Variants in PARVB observed in about 807,000 individuals in gnomAD.
The protein encoded by PARVB is parvin beta, also known as beta-parvin.
PARVB carries 46 observed loss-of-function variants against 47.0 expected under a neutral mutation model. The ratio of observed to expected loss-of-function variants is 0.98; its 90% CI spans 0.77 to 1.25. PARVB has a LOEUF of 1.25. Ranked by LOEUF, PARVB falls within the 50% of genes most tolerant of loss-of-function variation. The pLI is 0.00. For missense variants in PARVB, 473 were observed against 471.6 expected, an observed-to-expected ratio of 1.00 and a Z score of -0.03; for synonymous variants, 196 against 196.3, an observed-to-expected ratio of 1.00 and a Z score of 0.01.
rs543359903 is a variant in PARVB, at chr22:44,050,330, A to G, written c.112+25879A>G. Among the ~76,000 whole-genome samples the G allele has an allele frequency of 1.1e-3, 171 of 150,324 alleles. 3 individuals carry two copies. The highest frequency in any genetic ancestry group is 0.011 in the Admixed American group (166 of 15,106). On this transcript the variant is annotated intron_variant, in intron 1 of 12. Coordinates refer to ENST00000338758, the MANE Select transcript of PARVB (RefSeq NM_013327.5). Reference sequence around the variant, plus strand: ...CTGTTAGTAAACAAGACATTCCTACAGGTGACCCCTTTCGGCCTTTTTTTT... The same window carrying G: ...CTGTTAGTAAACAAGACATTCCTACGGGTGACCCCTTTCGGCCTTTTTTTT...
At chr22:44,146,426 A>G (rs1243680742) in intron 8 of PARVB, 1 of 152,330 alleles carries the variant, frequency 6.6e-6, no homozygotes, top group African/African-American at 2.4e-5. Flanking sequence ...CAATGCACAC[A>G]CATGCTCACA....
chr22:44,071,306 G>C (rs1007535228), intron 1 of PARVB, among the ~76,000 whole-genome samples: 1 of 152,176 alleles, frequency 6.6e-6, no homozygotes, highest in African/African-American at 2.4e-5. Context: ...CACTTTGGGA[G>C]ATACTGATGG....
chr22:44,010,698 A>G (rs749020926), intron 2 of PARVB, among the ~76,000 whole-genome samples: 19 of 152,092 alleles, frequency 1.2e-4, no homozygotes, highest in Admixed American at 5.2e-4. Context: ...AAATGAATTG[A>G]ATTTTGGTTG....
At chr22:44,020,151 G>T (rs1489010124), upstream of PARVB, among the ~76,000 whole-genome samples, 1 of 151,144 alleles carries the variant, frequency 6.6e-6, no homozygotes, top group Non-Finnish European at 1.5e-5. Context: ...CAGGGTGAGG[G>T]CTCAGTCCCA....
rs1258987794 is a variant in PARVB, at chr22:44,170,807, T to G, written c.*2129T>G. 2 of 152,248 alleles carry G rather than the reference T, an allele frequency of 1.3e-5. No homozygotes were observed. The highest frequency in any genetic ancestry group is 2.9e-5 in the Non-Finnish European group (2 of 68,050). The allele number at this position is 152,248 out of a possible 1,614,324, so 9.4% of individuals were successfully genotyped here. A position where few individuals can be genotyped will look rare whatever the true frequency, so the allele number is the denominator to read the frequency against. ...AGTGAGCCTGGCCTTTCTGATCTTG[T>G]TAGCTTTTTGTCTTCCTGCCGCAGA... On this transcript the variant is annotated 3_prime_UTR_variant, in exon 13 of 13. Coordinates refer to ENST00000338758, the MANE Select transcript of PARVB (RefSeq NM_013327.5).
chr22:44,163,492 TAAAC>T (rs1027184613), intron 11 of PARVB, among the ~76,000 whole-genome samples: 2 of 151,818 alleles, frequency 1.3e-5, no homozygotes, highest in African/African-American at 4.8e-5. Flanking sequence ...AATAAATAAA[TAAAC>T]AAAGAAATAA....
chr22:44,062,576 G>A (rs1361526500), intron 1 of PARVB, among the ~76,000 whole-genome samples: 2 of 151,958 alleles, frequency 1.3e-5, no homozygotes, highest in East Asian at 3.9e-4. Context: ...GGTGGTGATT[G>A]CAGTGAGCTG....
At chr22:44,134,413 C>T (rs997950250) in intron 6 of PARVB, among the ~76,000 whole-genome samples, 2 of 152,186 alleles carry the variant, frequency 1.3e-5, no homozygotes, top group African/African-American at 2.4e-5. Flanking sequence ...TACGTCAGCT[C>T]GGGGCCCCAG....
At chr22:44,059,222 G>C (rs960249608) in intron 1 of PARVB, among the ~76,000 whole-genome samples, 8 of 151,716 alleles carry the variant, frequency 5.3e-5, no homozygotes, top group Non-Finnish European at 1.0e-4. Flanking sequence ...ATTTTTGTAT[G>C]TTTAGTAGAG....
At chr22:44,085,318 T>C (rs1015889132) in intron 1 of PARVB, among the ~76,000 whole-genome samples, 5 of 152,134 alleles carry the variant, frequency 3.3e-5, no homozygotes, top group African/African-American at 1.2e-4. Flanking sequence ...CTTTTTCTTT[T>C]TAATTTTTTG....
Position 44,099,525 on chromosome 22 carries a change from C to T in PARVB, c.203-528C>T, listed in dbSNP as rs1350025202. Among the ~76,000 whole-genome samples, 3 of 152,224 alleles carry T rather than the reference C, an allele frequency of 2.0e-5. 1 individual carries two copies. Among genetic ancestry groups the T allele is most frequent in the African/African-American group, 7.2e-5 (3 of 41,546 alleles). ...TTTTGCTGTTACACATCATCCCCCC[C>T]CACCTTTTTTTTTGCTATTTATTTC... is the stretch of plus-strand genomic sequence containing the variant. On this transcript the variant is annotated intron_variant, in intron 2 of 12. Transcript: ENST00000338758.
intron 9 of PARVB, 110 bp downstream of exon 9, chr22:44,148,032 G>C: frequency 1.2e-6 from 1 of 849,234 alleles, no homozygotes; most frequent in Admixed American, 2.0e-5. Flanking sequence ...TCTCAGAAAT[G>C]TTTGCCACAT....
At chr22:44,160,349 C>A (rs779713908) in intron 11 of PARVB, among the ~76,000 whole-genome samples, 1 of 152,232 alleles carries the variant, frequency 6.6e-6, no homozygotes, top group Non-Finnish European at 1.5e-5. Context: ...GGTTGCACGG[C>A]CAGCAAGGGC....
At chr22:44,070,958 C>T (rs1437834011) in intron 1 of PARVB, among the ~76,000 whole-genome samples, 1 of 152,122 alleles carries the variant, frequency 6.6e-6, no homozygotes, top group Non-Finnish European at 1.5e-5. Flanking sequence ...GTCACAGGGC[C>T]CCTGCCCTAG....
intron 6 of PARVB, among the ~76,000 whole-genome samples, chr22:44,135,022 T>TGA (rs2053412280): frequency 1.3e-5 from 2 of 152,170 alleles, no homozygotes; most frequent in Admixed American, 1.3e-4. Context: ...TCACCCACAC[T>TGA]GTTGTTCAAT....
intron 2 of PARVB, among the ~76,000 whole-genome samples, chr22:44,017,011 G>A (rs555016166): frequency 6.6e-6 from 1 of 152,240 alleles, no homozygotes; most frequent in East Asian, 1.9e-4. Flanking sequence ...GAGTAGCTGG[G>A]ATTACAGGTG....
intron 1 of PARVB, among the ~76,000 whole-genome samples, chr22:44,069,515 T>G (rs2051606222): frequency 6.6e-6 from 1 of 152,000 alleles, no homozygotes; most frequent in South Asian, 2.1e-4. Context: ...TACTGTGGGT[T>G]TCTCTCTCTC....
chr22:44,116,823 A>C (rs1334886999), intron 3 of PARVB, among the ~76,000 whole-genome samples: 1 of 151,952 alleles, frequency 6.6e-6, no homozygotes, highest in Non-Finnish European at 1.5e-5. Flanking sequence ...AGGGGGTGGT[A>C]TCTGGGTTAG....
intron 2 of PARVB, among the ~76,000 whole-genome samples, chr22:44,015,401 G>A (rs1021439634): frequency 2.6e-5 from 4 of 152,116 alleles, no homozygotes; most frequent in African/African-American, 9.7e-5. Context: ...CAATAGAAAA[G>A]GGCTACCTGG....
Sources: gnomAD v4.1 joint callset for allele counts (sites outside exome capture counted in the v4.1 genomes callset) on GRCh38, gnomAD v4.1.1 for gene constraint, MANE v1.5 for transcripts, NCBI Gene and HGNC (gene_info 2026-07-23, HGNC 2026-07-21) for gene names.